Variants in WWP2 observed in about 807,000 individuals in gnomAD.
WWP2 encodes NEDD4-like E3 ubiquitin-protein ligase WWP2.
WWP2 carries 57 observed loss-of-function variants against 121.0 expected under a neutral mutation model. That is an observed-to-expected ratio of 0.47 (90% CI 0.38 to 0.59). The LOEUF (loss-of-function observed/expected upper bound fraction) is 0.59, where lower values mean the gene tolerates loss of function less well. Ranked by LOEUF, WWP2 falls within the 20% of genes least tolerant of loss-of-function variation. The pLI, the probability that WWP2 is intolerant of heterozygous loss-of-function variation, is 0.00. For missense variants in WWP2, 962 were observed against 1,158.9 expected, an observed-to-expected ratio of 0.83 and a Z score of 2.47; for synonymous variants, 449 against 441.3, an observed-to-expected ratio of 1.02 and a Z score of -0.22.
chr16:69,843,882 C>A (rs2057022915), intron 6 of WWP2, among the ~76,000 whole-genome samples: 1 of 151,988 alleles, frequency 6.6e-6, no homozygotes, highest in Non-Finnish European at 1.5e-5. Flanking sequence ...AACAAAAAAA[C>A]TTCCCAAACA....
intron 10 of WWP2, among the ~76,000 whole-genome samples, chr16:69,918,278 A>C (rs1028442986): frequency 5.9e-5 from 9 of 152,172 alleles, no homozygotes; most frequent in Admixed American, 2.6e-4. Context: ...TGTCTCTAAA[A>C]AAAAACAAAA....
intron 6 of WWP2, 117 bp from the exon 7 acceptor site, chr16:69,871,687 T>C: frequency 6.8e-7 from 1 of 1,464,008 alleles, no homozygotes; most frequent in African/African-American, 1.4e-5. Context: ...GAGGGGCTAT[T>C]AAAGGTCTTG....
At chr16:69,763,595 C>T (rs763574191) in intron 1 of WWP2, among the ~76,000 whole-genome samples, 5 of 152,134 alleles carry the variant, frequency 3.3e-5, no homozygotes, top group African/African-American at 1.2e-4. Flanking sequence ...TTTGCAGCAG[C>T]GCCTATGAGT....
chr16:69,871,914 G>A lies in WWP2; in HGVS notation c.686G>A (p.Gly229Asp), dbSNP rs369812987. ...RQPVKNSGHS[G>D]LANGTVNDEP... ...CCCGTCAAGAACTCAGGCCACAGTG[G>A]CTTGGCCAATGGCACAGGTGAGTGA... Residue 229 changes from glycine (G) to aspartate (D), a missense_variant, in exon 7 of 24, where the codon GGC becomes GAC. By Grantham distance (94) the Gly-to-Asp change is moderately conservative. Coordinates refer to ENST00000359154, the MANE Select transcript of WWP2 (RefSeq NM_001270454.2). 1.5e-5 allele frequency: 24 copies of A among 1,613,732 alleles called. No homozygotes were observed. Among genetic ancestry groups the A allele is most frequent in the African/African-American group, 2.7e-5 (2 of 74,942 alleles).
chr16:69,895,561 C>T (rs1199796630), intron 8 of WWP2, among the ~76,000 whole-genome samples: 1 of 152,052 alleles, frequency 6.6e-6, no homozygotes, highest in Non-Finnish European at 1.5e-5. Context: ...TCCAGGAGTT[C>T]GAGACCAGCC....
intron 21 of WWP2, 63 bp from the exon 22 acceptor site, chr16:69,938,964 C>T (rs2058838747): frequency 5.4e-6 from 8 of 1,485,314 alleles, no homozygotes; most frequent in South Asian, 3.6e-5. Context: ...GAGAGCTCCA[C>T]GTTCGGGCAA....
intron 4 of WWP2, among the ~76,000 whole-genome samples, chr16:69,825,649 AG>A (rs2056673572): frequency 6.8e-6 from 1 of 146,160 alleles, no homozygotes; most frequent in African/African-American, 2.5e-5. Context: ...TTTTGGATAC[AG>A]GGTTTTGTTC....
chr16:69,910,868 AGC>A (rs1174766457), intron 9 of WWP2, among the ~76,000 whole-genome samples: 1 of 152,186 alleles, frequency 6.6e-6, no homozygotes, highest in African/African-American at 2.4e-5. Context: ...CTACTAATCA[AGC>A]TGTCTTATTT....
At chr16:69,838,531 G>A (rs1446893716) in intron 4 of WWP2, among the ~76,000 whole-genome samples, 2 of 152,024 alleles carry the variant, frequency 1.3e-5, no homozygotes, top group South Asian at 4.2e-4. Context: ...GCTTAGCTGG[G>A]CAGCCTGGCC....
intron 10 of WWP2, among the ~76,000 whole-genome samples, chr16:69,918,821 T>G (rs185666509): frequency 5.9e-5 from 9 of 152,180 alleles, no homozygotes; most frequent in African/African-American, 1.9e-4. Context: ...GAGTAACATT[T>G]AAATTTTCTT....
chr16:69,824,228 A>G (rs1175037019), intron 4 of WWP2, among the ~76,000 whole-genome samples: 1 of 152,160 alleles, frequency 6.6e-6, no homozygotes, highest in African/African-American at 2.4e-5. Context: ...ATCTCATTGC[A>G]GTGTTTAATT....
chr16:69,769,774 G>A (rs2055373395), intron 1 of WWP2, among the ~76,000 whole-genome samples: 1 of 152,058 alleles, frequency 6.6e-6, no homozygotes. Context: ...CTGAGATTTA[G>A]AGAGGGTAGG....
At chr16:69,842,151 T>C (rs2056990830) in intron 6 of WWP2, 31 bp downstream of exon 6, 1 of 1,599,800 alleles carries the variant, frequency 6.3e-7, no homozygotes, top group Non-Finnish European at 8.5e-7. Flanking sequence ...GACAAAGAGC[T>C]AAGAAGTTGC....
chr16:69,834,614 T>C (rs2056844436), intron 4 of WWP2, among the ~76,000 whole-genome samples: 2 of 151,392 alleles, frequency 1.3e-5, no homozygotes, highest in South Asian at 4.2e-4. Context: ...GCAACTTCTG[T>C]TTTCCGGGTT....
chr16:69,871,519 A>G (rs992141408), intron 6 of WWP2, among the ~76,000 whole-genome samples: 2 of 152,194 alleles, frequency 1.3e-5, no homozygotes, highest in Non-Finnish European at 1.5e-5. Context: ...TGGTCACAGG[A>G]TATTTTGCCA....
intron 11 of WWP2, among the ~76,000 whole-genome samples, chr16:69,929,237 C>G (rs2058678370): frequency 6.6e-6 from 1 of 151,998 alleles, no homozygotes; most frequent in Non-Finnish European, 1.5e-5. Context: ...AGTATGTCAC[C>G]CCCGCCCCCC....
At chr16:69,895,470 G>A (rs1454612861) in intron 8 of WWP2, among the ~76,000 whole-genome samples, 2 of 152,160 alleles carry the variant, frequency 1.3e-5, no homozygotes, top group African/African-American at 4.8e-5. Context: ...ATGTCAGATC[G>A]GTACAAAAGT....
chr16:69,929,407 G>C (rs756814812), intron 11 of WWP2, 41 bp from the exon 12 acceptor site: 31 of 1,590,420 alleles, frequency 1.9e-5, no homozygotes, highest in Non-Finnish European at 2.7e-5. Context: ...CCGGCTCTCC[G>C]TGTTTGAATC....
At chr16:69,913,319 C>T (rs1215781425) in intron 9 of WWP2, among the ~76,000 whole-genome samples, 8 of 151,692 alleles carry the variant, frequency 5.3e-5, no homozygotes, top group Non-Finnish European at 1.2e-4. Context: ...AGGCGTGAGC[C>T]ACCACGCCCA....
Sources: allele counts gnomAD v4.1 joint callset (sites outside exome capture counted in the v4.1 genomes callset), GRCh38; gene constraint gnomAD v4.1.1; transcripts MANE v1.5; gene names NCBI Gene and HGNC (gene_info 2026-07-23, HGNC 2026-07-21).